The following HMG20A variants were observed in gnomAD, a reference collection of about 807,000 sequenced individuals.
HMG20A encodes high mobility group 20A.
HMG20A carries 17 observed loss-of-function variants against 43.9 expected under a neutral mutation model. The observed-to-expected ratio is 0.39, with a 90% CI of 0.27 to 0.58. The LOEUF is 0.58. Among genes scored for constraint, HMG20A ranks in the 20% least tolerant of loss-of-function variants. The probability of loss-of-function intolerance (pLI) is 0.59; values close to 1 mark genes in which losing one functional copy is unlikely to be tolerated. For synonymous variants in HMG20A, 132 were observed against 147.5 expected, an observed-to-expected ratio of 0.89 and a Z score of 0.76; for missense variants, 341 against 438.2, an observed-to-expected ratio of 0.78 and a Z score of 1.98.
intron 1 of HMG20A, among the ~76,000 whole-genome samples, chr15:77,438,020 CATG>C (rs1337501944): frequency 6.6e-6 from 1 of 151,924 alleles, no homozygotes; most frequent in African/African-American, 2.4e-5. Flanking sequence ...AGTGCAGTGG[CATG>C]ATAACTCACT....
chr15:77,422,306 T>C (rs1404579366), intron 1 of HMG20A, among the ~76,000 whole-genome samples: 1 of 152,224 alleles, frequency 6.6e-6, no homozygotes, highest in Non-Finnish European at 1.5e-5. Context: ...CCTCAGACTC[T>C]GCGATTATTT....
rs1165313024 is a variant in HMG20A at position 77,485,188 on chromosome 15, CA to C, written c.*2229del. 6.6e-6 allele frequency: 1 copy of C among 152,644 alleles called. No homozygotes were observed. The highest frequency in any genetic ancestry group is 2.4e-5 in the African/African-American group (1 of 41,464). 9.5% of individuals were successfully genotyped at this position (152,644 alleles called of 1,614,324 possible). On this transcript the variant is annotated 3_prime_UTR_variant, in exon 10 of 10. Coordinates refer to ENST00000336216, the MANE Select transcript of HMG20A (RefSeq NM_001304504.2). ...TCTGGTGGCTGGGATTCAGATGCCA[CA>C]AAACTGTCAGTATCTATAGACCAGG...
At chr15:77,497,530 C>T in the HMG20A span, among the ~76,000 whole-genome samples, 1 of 152,246 alleles carries the variant, frequency 6.6e-6, no homozygotes, top group African/African-American at 2.4e-5. Flanking sequence ...GAGACTGGCT[C>T]AGCTTACAAG....
intron 8 of HMG20A, 66 bp from the exon 9 acceptor site, chr15:77,479,113 G>C: frequency 2.0e-6 from 3 of 1,496,274 alleles, no homozygotes; most frequent in Non-Finnish European, 2.8e-6. Context: ...CTGTTTCTTT[G>C]AAATTGTGTT....
chr15:77,498,117 G>A, the HMG20A span, among the ~76,000 whole-genome samples: 35 of 152,200 alleles, frequency 2.3e-4, no homozygotes, highest in South Asian at 7.1e-3. Flanking sequence ...GAGAAAGTGC[G>A]TGGGCCAGGG....
chr15:77,477,647 C>G lies in HMG20A; in HGVS notation c.691+17C>G. ...ATAGCAAAGGTGATTACTGAAGTTT[C>G]TTTTTGTGTTTCTCAGATTTTTGAC... On this transcript the variant is annotated intron_variant, in intron 7 of 9. Transcript: ENST00000336216. The G allele has an allele frequency of 6.4e-7, 1 of 1,561,952 alleles. No homozygotes were observed. Among genetic ancestry groups the G allele is most frequent in the Non-Finnish European group, 8.8e-7 (1 of 1,139,522 alleles).
At chr15:77,433,738 A>G (rs1267175591) in intron 1 of HMG20A, among the ~76,000 whole-genome samples, 3 of 152,254 alleles carry the variant, frequency 2.0e-5, no homozygotes, top group African/African-American at 4.8e-5. Context: ...AGAAAACTAT[A>G]AAACATAGAG....
chr15:77,481,705 A>T (rs1008799940), intron 9 of HMG20A, among the ~76,000 whole-genome samples: 1 of 152,236 alleles, frequency 6.6e-6, no homozygotes. Flanking sequence ...AAAATAGCTA[A>T]AAGTGTGAAC....
chr15:77,504,229 T>G, the HMG20A span, among the ~76,000 whole-genome samples: 1 of 152,214 alleles, frequency 6.6e-6, no homozygotes, highest in Non-Finnish European at 1.5e-5. Flanking sequence ...CCTAGCCTAG[T>G]GGCAACCTGG....
intron 3 of HMG20A, among the ~76,000 whole-genome samples, chr15:77,466,297 C>G (rs1051708447): frequency 3.9e-5 from 6 of 152,168 alleles, no homozygotes; most frequent in Non-Finnish European, 7.3e-5. Context: ...AGGAGAATCA[C>G]TTGAACCTGG....
At chr15:77,505,654 T>C in the HMG20A span, among the ~76,000 whole-genome samples, 8 of 152,256 alleles carry the variant, frequency 5.3e-5, no homozygotes, top group African/African-American at 1.9e-4. Flanking sequence ...GCCCTTGATC[T>C]GCTGCTCCTA....
the HMG20A span, among the ~76,000 whole-genome samples, chr15:77,500,155 C>T: frequency 6.6e-6 from 1 of 152,128 alleles, no homozygotes; most frequent in African/African-American, 2.4e-5. Flanking sequence ...TAAATGAGAT[C>T]ATAGTTGTGG....
At chr15:77,512,698 G>C in the HMG20A span, among the ~76,000 whole-genome samples, 2 of 152,018 alleles carry the variant, frequency 1.3e-5, no homozygotes, top group Non-Finnish European at 2.9e-5. Flanking sequence ...ATCATTAATG[G>C]ATACTAAACC....
chr15:77,508,923 G>A, the HMG20A span, among the ~76,000 whole-genome samples: 5 of 152,160 alleles, frequency 3.3e-5, no homozygotes, highest in African/African-American at 9.7e-5. Context: ...GTTTTCATCT[G>A]GCCCTGCCCA....
rs555382365 is a variant in HMG20A at position 77,444,646 on chromosome 15, G to T, written c.-4-13758G>T. The stretch of plus-strand genomic sequence containing the variant: ...TGTATGGAAGTTGAAGTTTTATCAT[G>T]TTGAGTAGGTTATCAAAGGAGAAAT... On this transcript the variant is annotated intron_variant, in intron 1 of 9. Transcript: ENST00000336216. Among the ~76,000 whole-genome samples the T allele has an allele frequency of 5.9e-5, 9 of 152,338 alleles. No individual in the cohort carries two copies. The South Asian group carries it at 1.9e-3, about 32-fold the overall frequency.
intron 2 of HMG20A, 58 bp downstream of exon 2, chr15:77,458,554 G>A: frequency 8.4e-7 from 1 of 1,191,308 alleles, no homozygotes; most frequent in Non-Finnish European, 1.2e-6. Flanking sequence ...AAAGCTTCTA[G>A]CAAAGTAAGA....
intron 1 of HMG20A, among the ~76,000 whole-genome samples, chr15:77,448,496 G>A (rs993563054): frequency 2.6e-5 from 4 of 152,082 alleles, no homozygotes; most frequent in African/African-American, 9.7e-5. Flanking sequence ...CATGGCCTCT[G>A]TATATAAAAT....
At chr15:77,492,560 G>A in the HMG20A span, among the ~76,000 whole-genome samples, 1 of 152,096 alleles carries the variant, frequency 6.6e-6, no homozygotes, top group East Asian at 1.9e-4. Context: ...GCTGGGTATG[G>A]TGGCTCACAC....
intron 6 of HMG20A, among the ~76,000 whole-genome samples, chr15:77,474,420 T>C (rs1285977916): frequency 6.6e-6 from 1 of 152,182 alleles, no homozygotes; most frequent in Non-Finnish European, 1.5e-5. Context: ...GGAAAGAATT[T>C]ACCCAGAATC....
Sources: allele counts gnomAD v4.1 joint callset (sites outside exome capture counted in the v4.1 genomes callset), GRCh38; gene constraint gnomAD v4.1.1; transcripts MANE v1.5; gene names NCBI Gene and HGNC (gene_info 2026-07-23, HGNC 2026-07-21).